MIA2: variants seen among roughly 807,000 people sequenced by gnomAD.
MIA2 encodes the protein melanoma inhibitory activity protein 2.
MIA2 carries 127 observed loss-of-function variants against 167.8 expected under a neutral mutation model. The ratio of observed to expected loss-of-function variants is 0.76; its 90% CI spans 0.66 to 0.88. The LOEUF (loss-of-function observed/expected upper bound fraction) is 0.88, where lower values mean the gene tolerates loss of function less well. MIA2 is among the 40% of genes least tolerant of loss of function. The pLI, the probability that MIA2 is intolerant of heterozygous loss-of-function variation, is 0.00. For synonymous variants in MIA2, 552 were observed against 541.9 expected (o/e 1.02, Z -0.26); for missense variants, 1,690 against 1,624.7 (o/e 1.04, Z -0.69).
intron 15 of MIA2, among the ~76,000 whole-genome samples, chr14:39,303,161 T>A (rs927869959): frequency 6.6e-6 from 1 of 152,220 alleles, no homozygotes; most frequent in African/African-American, 2.4e-5. Context: ...TTTACTCATA[T>A]TTTGGATGCT....
chr14:39,314,124 G>T (rs954592595), intron 19 of MIA2, among the ~76,000 whole-genome samples: 1 of 152,122 alleles, frequency 6.6e-6, no homozygotes, highest in African/African-American at 2.4e-5. Flanking sequence ...GGTGGCTCAC[G>T]CCTATAATCC....
chr14:39,319,308 T>G lies in MIA2; in HGVS notation c.3367+17T>G, dbSNP rs921245726. 2.2e-6 allele frequency: 3 copies of G among 1,347,648 alleles called. No individual in the cohort carries two copies. Among genetic ancestry groups the G allele is most frequent in the Admixed American group, 2.2e-5 (1 of 44,640 alleles). 83.5% of individuals were successfully genotyped at this position (1,347,648 alleles called of 1,614,324 possible). ...TTGGCAGAGGTAGTCTTTTTTTTTTTACCCCTCATTTAAAATACATATTTT... is the reference window on the plus strand; with the variant it reads ...TTGGCAGAGGTAGTCTTTTTTTTTTGACCCCTCATTTAAAATACATATTTT... On this transcript the variant is annotated intron_variant, in intron 23 of 28. Transcript: ENST00000640607.
At chr14:39,332,639 G>A (rs570223096) in intron 25 of MIA2, among the ~76,000 whole-genome samples, 1 of 152,118 alleles carries the variant, frequency 6.6e-6, no homozygotes, top group East Asian at 1.9e-4. Flanking sequence ...GTCCTTCACG[G>A]CACAGTCCCT....
intron 6 of MIA2, among the ~76,000 whole-genome samples, chr14:39,254,106 A>G (rs896140720): frequency 1.3e-5 from 2 of 152,140 alleles, no homozygotes; most frequent in African/African-American, 2.4e-5. Flanking sequence ...TGGGAGTGTT[A>G]GGTAGAGAGG....
At chr14:39,381,013 TA>T (rs757948876) in intron 23 of MIA2, among the ~76,000 whole-genome samples, 1 of 94,510 alleles carries the variant, frequency 1.1e-5, no homozygotes, top group Non-Finnish European at 2.2e-5. Flanking sequence ...ACTATTTTAG[TA>T]AAAAAAACAA....
chr14:39,250,796 T>C (rs982795672), intron 4 of MIA2, among the ~76,000 whole-genome samples: 4 of 150,780 alleles, frequency 2.7e-5, no homozygotes, highest in Admixed American at 2.6e-4. Flanking sequence ...AATAGTTAAA[T>C]GACAATAGGA....
intron 17 of MIA2, among the ~76,000 whole-genome samples, chr14:39,307,658 C>T (rs928826585): frequency 6.6e-6 from 1 of 152,012 alleles, no homozygotes; most frequent in African/African-American, 2.4e-5. Flanking sequence ...CTTCGGCCTT[C>T]CAAAGTGCTG....
At chr14:39,359,721 C>A (rs2074630978) in intron 23 of MIA2, among the ~76,000 whole-genome samples, 1 of 152,132 alleles carries the variant, frequency 6.6e-6, no homozygotes, top group Non-Finnish European at 1.5e-5. Flanking sequence ...TTTCTTAATT[C>A]TTGTGTCCAT....
At chr14:39,263,052 G>A (rs1366060433) in intron 6 of MIA2, among the ~76,000 whole-genome samples, 3 of 152,194 alleles carry the variant, frequency 2.0e-5, no homozygotes, top group Non-Finnish European at 1.5e-5. Flanking sequence ...CGAACACTGT[G>A]TTGAATAGGA....
intron 13 of MIA2, among the ~76,000 whole-genome samples, chr14:39,298,459 T>C (rs1179639677): frequency 4.7e-5 from 1 of 21,350 alleles, no homozygotes; most frequent in African/African-American, 9.1e-5. Context: ...TAGTTTTTCA[T>C]GTGTTCGGAA....
intron 23 of MIA2, among the ~76,000 whole-genome samples, chr14:39,357,985 A>AT (rs1428689452): frequency 3.3e-5 from 5 of 151,562 alleles, no homozygotes; most frequent in African/African-American, 1.2e-4. Flanking sequence ...TGCCCTTAAC[A>AT]TTTTTTCCTT....
intron 9 of MIA2, among the ~76,000 whole-genome samples, chr14:39,284,794 G>A (rs754386818): frequency 5.4e-5 from 8 of 147,782 alleles, no homozygotes; most frequent in African/African-American, 1.8e-4. Flanking sequence ...GGTGTTTCTC[G>A]CAGAGGGGGA....
intron 9 of MIA2, among the ~76,000 whole-genome samples, chr14:39,289,815 A>G (rs982565269): frequency 2.6e-5 from 4 of 152,164 alleles, no homozygotes; most frequent in Non-Finnish European, 5.9e-5. Context: ...AAGTTAAGAT[A>G]GCAGCAAGTT....
intron 23 of MIA2, among the ~76,000 whole-genome samples, chr14:39,376,195 C>G (rs1448516413): frequency 6.6e-6 from 1 of 152,186 alleles, no homozygotes; most frequent in African/African-American, 2.4e-5. Flanking sequence ...CTCAAGTGAT[C>G]TGCCTGCCTT....
At chr14:39,315,120 TAAAAAAAAAAA>T (rs558848153) in intron 20 of MIA2, 18 of 105,880 alleles carry the variant, frequency 1.7e-4, no homozygotes, top group Non-Finnish European at 2.6e-4. Context: ...CTGTCTCTAC[TAAAAAAAAAAA>T]AAAAAAAAAA....
chr14:39,317,964 A>G lies in MIA2; in HGVS notation c.3237A>G (p.Glu1079=). The change falls in exon 22 of 29, where the codon GAA becomes GAG. Residue 1079 remains glutamate, a synonymous_variant. Transcript: ENST00000640607. The stretch of plus-strand genomic sequence containing the variant: ...TCAAGTTGGCAGCTCGGAATGCTGA[A>G]AGAAACCTCAATGATTTAAGGAAAG... The part of the protein sequence containing the change: ...HDNWLAARNA[E]RNLNDLRKEN... 2 of 1,583,572 alleles carry G rather than the reference A, an allele frequency of 1.3e-6. No individual in the cohort carries two copies. Among genetic ancestry groups the G allele is most frequent in the Non-Finnish European group, 1.7e-6 (2 of 1,168,212 alleles).
chr14:39,284,243 T>G (rs1362295750), intron 9 of MIA2, among the ~76,000 whole-genome samples: 1 of 152,198 alleles, frequency 6.6e-6, no homozygotes, highest in East Asian at 1.9e-4. Flanking sequence ...TTGTATAAAG[T>G]TAAGAGTTCA....
Position 39,326,969 on chromosome 14 carries a change from G to T in MIA2, c.3602G>T (p.Gly1201Val). ...CCTCATAGGGCTCCCTCTGACACTG[G>T]GTCTCTGTCACCTCCATGGGACCAG... ...TDPHRAPSDTGSLSPPWDQDR... is the reference protein window; with the variant it reads ...TDPHRAPSDTVSLSPPWDQDR... Residue 1201 changes from glycine to valine, a missense_variant, in exon 25 of 29, where the codon GGG becomes GTG. By Grantham distance (109) the Gly-to-Val change is moderately radical. Transcript: ENST00000640607. 6.3e-7 allele frequency: 1 copy of T among 1,580,792 alleles called. No homozygotes were observed. The highest frequency in any genetic ancestry group is 8.6e-7 in the Non-Finnish European group (1 of 1,166,290).
chr14:39,276,819 T>C (rs1298023387), intron 6 of MIA2, 115 bp from the exon 7 acceptor site: 1 of 1,058,184 alleles, frequency 9.5e-7, no homozygotes, highest in Non-Finnish European at 1.4e-6. Context: ...ACTTTCTGTT[T>C]GGTGTTAGTC....
Sources: gnomAD v4.1 joint callset for allele counts (sites outside exome capture counted in the v4.1 genomes callset) on GRCh38, gnomAD v4.1.1 for gene constraint, MANE v1.5 for transcripts, NCBI Gene and HGNC (gene_info 2026-07-23, HGNC 2026-07-21) for gene names.